Variants in NRXN1 observed in about 807,000 individuals in gnomAD.
NRXN1 encodes the protein neurexin-1.
Under a neutral mutation model 150.9 loss-of-function variants are expected in NRXN1, and 39 were observed. That is an observed-to-expected ratio of 0.26 (90% confidence interval 0.20 to 0.34). NRXN1 has a LOEUF of 0.34. NRXN1 is among the 10% of genes least tolerant of loss of function. The pLI, the probability that NRXN1 is intolerant of heterozygous loss-of-function variation, is 1.00. For missense variants in NRXN1, 1,815 were observed against 1,949.9 expected (o/e 0.93, Z 1.30); for synonymous variants, 924 against 757.0 (o/e 1.22, Z -3.62).
intron 13 of NRXN1, among the ~76,000 whole-genome samples, chr2:50,504,529 T>G (rs1209993991): frequency 6.6e-6 from 1 of 152,132 alleles, no homozygotes; most frequent in Admixed American, 6.6e-5. Context: ...TTGGAACTTT[T>G]TATAAATTTG....
intron 5 of NRXN1, among the ~76,000 whole-genome samples, chr2:50,891,955 A>G (rs1027430108): frequency 1.3e-5 from 2 of 152,130 alleles, no homozygotes; most frequent in Non-Finnish European, 2.9e-5. Flanking sequence ...GTACAGCCAC[A>G]TAGAAAACAG....
At chr2:50,034,043 G>A (rs1163556575) in intron 21 of NRXN1, among the ~76,000 whole-genome samples, 2 of 151,762 alleles carry the variant, frequency 1.3e-5, no homozygotes, top group African/African-American at 4.8e-5. Flanking sequence ...CACTGTTGGG[G>A]GGAGTGTAAA....
intron 17 of NRXN1, among the ~76,000 whole-genome samples, chr2:50,392,858 CCTGCAGTT>C (rs746249568): frequency 6.6e-6 from 1 of 151,960 alleles, no homozygotes; most frequent in Non-Finnish European, 1.5e-5. Context: ...GTGGTGTGCA[CCTGCAGTT>C]CTAGCTACCA....
intron 18 of NRXN1, among the ~76,000 whole-genome samples, chr2:50,145,758 T>G (rs1044079571): frequency 1.3e-5 from 2 of 151,666 alleles, no homozygotes; most frequent in African/African-American, 4.8e-5. Flanking sequence ...ATTTTGGAAT[T>G]ATAGATGGGT....
chr2:50,270,161 G>C (rs1392441907), intron 17 of NRXN1, among the ~76,000 whole-genome samples: 2 of 152,042 alleles, frequency 1.3e-5, no homozygotes, highest in African/African-American at 4.8e-5. Flanking sequence ...GCATTATATA[G>C]ATTAAGTGGG....
intron 17 of NRXN1, among the ~76,000 whole-genome samples, chr2:50,416,337 C>T (rs369680788): frequency 3.9e-5 from 6 of 151,988 alleles, no homozygotes; most frequent in African/African-American, 7.2e-5. Context: ...GAACAAAATG[C>T]GCAAAGAAAG....
chr2:50,347,518 C>G lies in NRXN1; in HGVS notation c.3365-110548G>C, dbSNP rs1041832193. The stretch of plus-strand genomic sequence containing the variant: ...TCCCTCCATTCAGCCCCGGCCGGCT[C>G]GCCCGCTAGCGCCAGCCTCCCCCGG... On this transcript the variant is annotated intron_variant, in intron 17 of 22. Transcript: ENST00000401669. This position sits in a 1 kb window ranked among gnomAD's most constrained non-coding sequence, Gnocchi z 4.9. 4 of 1,040,182 alleles carry G rather than the reference C, an allele frequency of 3.8e-6. No individual in the cohort carries two copies. In the African/African-American group the frequency reaches 5.2e-5, roughly 14 times the overall value. 64.4% of individuals were successfully genotyped at this position (1,040,182 alleles called of 1,614,324 possible).
At chr2:50,155,713 T>G (rs1478233294) in intron 18 of NRXN1, among the ~76,000 whole-genome samples, 1 of 151,542 alleles carries the variant, frequency 6.6e-6, no homozygotes, top group Admixed American at 6.6e-5. Context: ...GCCACCTTTT[T>G]CCTTATAACA....
chr2:50,872,717 C>T (rs1292632963), intron 5 of NRXN1, among the ~76,000 whole-genome samples: 2 of 151,746 alleles, frequency 1.3e-5, no homozygotes, highest in African/African-American at 4.8e-5. Flanking sequence ...CTTTGGGAGG[C>T]AAAGGTGCGA....
At chr2:50,978,088 C>G (rs978029720) in intron 2 of NRXN1, among the ~76,000 whole-genome samples, 1 of 150,722 alleles carries the variant, frequency 6.6e-6, no homozygotes, top group African/African-American at 2.4e-5. Flanking sequence ...CTACAGTGAT[C>G]TATACATTTT....
Position 50,716,972 on chromosome 2 carries a change from A to G in NRXN1, c.833-93357T>C, listed in dbSNP as rs1035522764. Among the ~76,000 whole-genome samples the G allele has an allele frequency of 2.6e-5, 4 of 152,108 alleles. No homozygotes were observed. In the South Asian group the frequency reaches 8.3e-4, roughly 32 times the overall value. ...TAAATACTTATTTATTGGCTATTACATGCAAAGTACCATTTTTAGCTCTAA... is the reference window on the plus strand; with the variant it reads ...TAAATACTTATTTATTGGCTATTACGTGCAAAGTACCATTTTTAGCTCTAA... On this transcript the variant is annotated intron_variant, in intron 5 of 22. Coordinates refer to ENST00000401669, the MANE Select transcript of NRXN1 (RefSeq NM_001330078.2).
intron 18 of NRXN1, among the ~76,000 whole-genome samples, chr2:50,100,594 A>G (rs1230406325): frequency 1.3e-5 from 2 of 152,076 alleles, no homozygotes; most frequent in Non-Finnish European, 2.9e-5. Flanking sequence ...TCAAACCATT[A>G]TGAAGTTCTC....
intron 21 of NRXN1, among the ~76,000 whole-genome samples, chr2:50,045,538 C>T (rs968912711): frequency 1.3e-5 from 2 of 151,916 alleles, no homozygotes; most frequent in African/African-American, 4.8e-5. Flanking sequence ...TCCTCCTTCC[C>T]CTCACAGACA....
chr2:50,143,844 A>G (rs912491061), intron 18 of NRXN1, among the ~76,000 whole-genome samples: 21 of 151,926 alleles, frequency 1.4e-4, no homozygotes, highest in African/African-American at 5.1e-4. Flanking sequence ...TTTTTAATGG[A>G]TTTACTGATT....
chr2:50,184,251 A>T (rs568362906), intron 18 of NRXN1, among the ~76,000 whole-genome samples: 2 of 152,162 alleles, frequency 1.3e-5, no homozygotes, highest in South Asian at 4.1e-4. Context: ...CAATATCTCT[A>T]GATCACACAT....
At chr2:50,080,595 G>A (rs530095562) in intron 19 of NRXN1, among the ~76,000 whole-genome samples, 44 of 152,166 alleles carry the variant, frequency 2.9e-4, no homozygotes, top group African/African-American at 1.0e-3. Context: ...ATGCATTTTG[G>A]TTTTAAGGAT....
At chr2:50,515,114 T>C (rs2092589948) in intron 12 of NRXN1, among the ~76,000 whole-genome samples, 1 of 152,112 alleles carries the variant, frequency 6.6e-6, no homozygotes, top group Non-Finnish European at 1.5e-5. Context: ...CACATCACCA[T>C]CTGAGCTCCA....
intron 5 of NRXN1, among the ~76,000 whole-genome samples, chr2:50,869,497 GGAGA>G (rs1030676889): frequency 1.3e-5 from 2 of 151,400 alleles, no homozygotes; most frequent in African/African-American, 4.8e-5. Flanking sequence ...ATCACTCTGA[GGAGA>G]GAGAATGGAA....
At chr2:50,422,856 T>C (rs1030295332) in intron 17 of NRXN1, among the ~76,000 whole-genome samples, 1 of 152,170 alleles carries the variant, frequency 6.6e-6, no homozygotes, top group African/African-American at 2.4e-5. Flanking sequence ...ATCAAACACA[T>C]GCAAAATTTT....
Sources: allele counts gnomAD v4.1 joint callset (sites outside exome capture counted in the v4.1 genomes callset), GRCh38; gene constraint gnomAD v4.1.1; non-coding constraint Gnocchi (gnomAD v3.1); transcripts MANE v1.5; gene names NCBI Gene and HGNC (gene_info 2026-07-23, HGNC 2026-07-21).